Variants in PLOD1 observed in about 807,000 individuals in gnomAD.
The protein encoded by PLOD1 is procollagen-lysine,2-oxoglutarate 5-dioxygenase 1, also known as lysine hydroxylase.
A neutral mutation model predicts 94.7 loss-of-function variants in PLOD1; 70 were observed. The ratio of observed to expected loss-of-function variants is 0.74; its 90% CI spans 0.61 to 0.90. PLOD1 has a LOEUF of 0.90. Ranked by LOEUF, PLOD1 falls within the 40% of genes least tolerant of loss-of-function variation. PLOD1 has a pLI of 0.00. For synonymous variants in PLOD1, 417 were observed against 400.2 expected, an observed-to-expected ratio of 1.04 and a Z score of -0.50; for missense variants, 905 against 972.7, an observed-to-expected ratio of 0.93 and a Z score of 0.93.
intron 12 of PLOD1, 27 bp downstream of exon 12, chr1:11,964,327 T>TGTGACCGGGGGGGGGGGGGGGGGGG: frequency 3.7e-6 from 2 of 546,372 alleles, no homozygotes; most frequent in East Asian, 4.8e-5. Flanking sequence ...TGGGGGTGGG[T>TGTGACCGGGGGGGGGGGGGGGGGGG]GGGGGACACC....
intron 2 of PLOD1, 32 bp from the exon 3 acceptor site, chr1:11,949,741 A>G (rs776126385): frequency 2.2e-5 from 35 of 1,609,610 alleles, no homozygotes; most frequent in Non-Finnish European, 2.9e-5. Flanking sequence ...TTTCTTTACC[A>G]AAAGCCCGTG....
At chr1:11,935,538 T>C (rs959141892) in intron 1 of PLOD1, among the ~76,000 whole-genome samples, 1 of 152,210 alleles carries the variant, frequency 6.6e-6, no homozygotes, top group Non-Finnish European at 1.5e-5. Context: ...TTATTTATTT[T>C]TGAGACAGAG....
intron 16 of PLOD1, among the ~76,000 whole-genome samples, chr1:11,967,661 T>A (rs910614341): frequency 8.3e-5 from 11 of 132,758 alleles, no homozygotes; most frequent in East Asian, 6.8e-4. Context: ...TATATATATT[T>A]TTTTTAAATA....
intron 6 of PLOD1, among the ~76,000 whole-genome samples, chr1:11,956,107 G>A (rs923160621): frequency 1.7e-4 from 26 of 150,392 alleles, no homozygotes; most frequent in Admixed American, 1.0e-3. Context: ...TCAAACATGG[G>A]TATTGGGGGC....
intron 16 of PLOD1, among the ~76,000 whole-genome samples, chr1:11,967,615 A>ATATATATATATATATATATATATATATAT (rs58447090): frequency 9.6e-6 from 1 of 103,966 alleles, no homozygotes; most frequent in Non-Finnish European, 1.9e-5. Context: ...ATATATATAT[A>ATATATATATATATATATATATATATATAT]AAAAGAAATA....
Position 11,963,512 on chromosome 1 carries a change from C to T in PLOD1, c.1098-20C>T. The stretch of plus-strand genomic sequence containing the variant: ...AGCTCCAGGATCAGGTGCACTGACC[C>T]TGTGTCCTCCTCCTTGCAGAGACCT... On this transcript the variant is annotated intron_variant, in intron 10 of 18. Transcript: ENST00000196061. This position sits in a 1 kb window ranked among gnomAD's most constrained non-coding sequence, Gnocchi z 4.3. 4 of 1,531,610 alleles carry T rather than the reference C, an allele frequency of 2.6e-6. No individual in the cohort carries two copies. The highest frequency in any genetic ancestry group is 3.6e-6 in the Non-Finnish European group (4 of 1,119,202). 94.9% of individuals were successfully genotyped at this position (1,531,610 alleles called of 1,614,324 possible). A position where few individuals can be genotyped will look rare whatever the true frequency, so the allele number is the denominator to read the frequency against.
In PLOD1 at chr1:11,972,869, C is replaced by T. The variant is rs1465282096; in HGVS notation, c.1903-3C>T. 1.9e-6 allele frequency: 3 copies of T among 1,613,838 alleles called. No individual in the cohort carries two copies. Among genetic ancestry groups the T allele is most frequent in the African/African-American group, 2.7e-5 (2 of 74,896 alleles). ...GCTCTCTTGTCCCCCTGCCTTGGTACAGGCCCAGTTTGACCTGGCCTTTGT... is the reference window on the plus strand; with the variant it reads ...GCTCTCTTGTCCCCCTGCCTTGGTATAGGCCCAGTTTGACCTGGCCTTTGT... On this transcript the variant is annotated splice_polypyrimidine_tract_variant and splice_region_variant and intron_variant, in intron 17 of 18. Transcript: ENST00000196061. The surrounding 1 kb of genome is among the most constrained non-coding windows in gnomAD (Gnocchi z 4.6).
rs1645750201 is a variant in PLOD1, at chr1:11,957,892, A to C, written c.792A>C (p.Glu264Asp). The change falls in exon 8 of 19, where the codon GAA (glutamate) becomes GAC (aspartate). Residue 264 changes from glutamate (E) to aspartate (D), a missense_variant. Physicochemically the swap from Glu to Asp is conservative, Grantham distance 45. Coordinates refer to ENST00000196061, the MANE Select transcript of PLOD1 (RefSeq NM_000302.4). The surrounding 1 kb of genome is among the most constrained non-coding windows in gnomAD (Gnocchi z 4.1). Reference sequence around the variant, plus strand: ...ACATCCCGCGCTTCTGGACCTTCGAAACAGGCTGCACCGTGTGTGACGAAG... The same window carrying C: ...ACATCCCGCGCTTCTGGACCTTCGACACAGGCTGCACCGTGTGTGACGAAG... Reference protein sequence around the residue: ...GNYIPRFWTFETGCTVCDEGL... With the variant: ...GNYIPRFWTFDTGCTVCDEGL... The C allele has an allele frequency of 6.2e-7, 1 of 1,613,996 alleles. No individual in the cohort carries two copies. The highest frequency in any genetic ancestry group is 8.5e-7 in the Non-Finnish European group (1 of 1,179,984).
chr1:11,970,787 G>A lies in PLOD1; in HGVS notation c.1873G>A (p.Glu625Lys), dbSNP rs1426887065. The A allele has an allele frequency of 3.1e-6, 5 of 1,609,334 alleles. No individual in the cohort carries two copies. Among genetic ancestry groups the A allele is most frequent in the Non-Finnish European group, 8.5e-7 (1 of 1,179,142 alleles). ...FLLEYIAPMTEKLYPGYYTRA... is the reference protein window; with the variant it reads ...FLLEYIAPMTKKLYPGYYTRA... ...GCTGGAGTACATTGCGCCCATGACG[G>A]AGAAGCTCTACCCCGGCTACTACAC... Residue 625 changes from glutamate (E) to lysine (K), a missense_variant, in exon 17 of 19, where the codon GAG (glutamate) becomes AAG (lysine). By Grantham distance (56) the Glu-to-Lys change is moderately conservative. Coordinates refer to ENST00000196061, the MANE Select transcript of PLOD1 (RefSeq NM_000302.4).
At chr1:11,973,674 G>A (rs1237819759) in intron 18 of PLOD1, among the ~76,000 whole-genome samples, 1 of 151,524 alleles carries the variant, frequency 6.6e-6, no homozygotes, top group Non-Finnish European at 1.5e-5. Context: ...CAACCTCCTG[G>A]GCCCAAGCAA....
chr1:11,971,225 G>T (rs866578633), intron 17 of PLOD1, among the ~76,000 whole-genome samples: 3 of 126,852 alleles, frequency 2.4e-5, no homozygotes, highest in South Asian at 2.9e-4. Flanking sequence ...AGGGTGGAGT[G>T]GGGGGCTTGG....
At position 11,973,010 on chromosome 1, in the gene PLOD1, C is replaced by T. The variant is rs768117561; in HGVS notation, c.2028+13C>T. ...GGTGGATTACGAGGTGAGCAGGAGCCAGCCGGGGTCAAGGGGCCGGCAATG... is the reference window on the plus strand; with the variant it reads ...GGTGGATTACGAGGTGAGCAGGAGCTAGCCGGGGTCAAGGGGCCGGCAATG... On this transcript the variant is annotated intron_variant, in intron 18 of 18. Coordinates refer to ENST00000196061, the MANE Select transcript of PLOD1 (RefSeq NM_000302.4). 1 of 1,613,698 alleles carries T rather than the reference C, an allele frequency of 6.2e-7. No individual in the cohort carries two copies. Among genetic ancestry groups the T allele is most frequent in the Non-Finnish European group, 8.5e-7 (1 of 1,179,780 alleles).
At chr1:11,961,615 T>C (rs549916620) in intron 10 of PLOD1, among the ~76,000 whole-genome samples, 4 of 152,138 alleles carry the variant, frequency 2.6e-5, no homozygotes, top group Non-Finnish European at 5.9e-5. Context: ...TCATTTATTT[T>C]TTTTTCTTTT....
At chr1:11,970,844 T>C (rs1405566650) in intron 17 of PLOD1, 28 bp downstream of exon 17, 10 of 1,369,808 alleles carry the variant, frequency 7.3e-6, no homozygotes, top group Non-Finnish European at 9.6e-6. Flanking sequence ...ATAGCCAGGA[T>C]GCGGGGACAG....
chr1:11,944,392 A>G (rs2100738104), intron 1 of PLOD1: 1 of 434,746 alleles, frequency 2.3e-6, no homozygotes, highest in African/African-American at 2.1e-5. Context: ...AGCCTGTTCC[A>G]TCAAGAATCC....
chr1:11,952,924 GA>G (rs959677893), intron 5 of PLOD1, among the ~76,000 whole-genome samples, 189 bp downstream of exon 5: 1 of 152,202 alleles, frequency 6.6e-6, no homozygotes, highest in African/African-American at 2.4e-5. Context: ...CTGGAGGCCG[GA>G]AGGGTGAGAT....
intron 1 of PLOD1, among the ~76,000 whole-genome samples, chr1:11,946,108 T>G (rs1048988601): frequency 1.3e-5 from 2 of 152,176 alleles, no homozygotes; most frequent in Middle Eastern, 3.2e-3. Flanking sequence ...TAGGTACTAT[T>G]ATTATCCCTG....
In PLOD1 at chr1:11,942,167, G is replaced by C. The variant is rs374902695; in HGVS notation, c.77-5809G>C. ...CTAGCTAATTTTTGTATTTTTAGTAGAGACGGGGTTTCACCATGTTGGCCA... is the reference window on the plus strand; with the variant it reads ...CTAGCTAATTTTTGTATTTTTAGTACAGACGGGGTTTCACCATGTTGGCCA... On this transcript the variant is annotated intron_variant, in intron 1 of 18. Transcript: ENST00000196061. 2.4e-4 allele frequency among the ~76,000 whole-genome samples: 37 copies of C among 152,104 alleles called. No individual in the cohort carries two copies. In the East Asian group the frequency reaches 2.7e-3, roughly 11 times the overall value.
chr1:11,965,459 C>T, intron 13 of PLOD1, 21 bp from the exon 14 acceptor site: 2 of 1,475,978 alleles, frequency 1.4e-6, no homozygotes, highest in African/African-American at 1.4e-5. Flanking sequence ...GCGCCTCTTC[C>T]ACCGGGCCTG....
Sources: allele counts gnomAD v4.1 joint callset (sites outside exome capture counted in the v4.1 genomes callset), GRCh38; gene constraint gnomAD v4.1.1; non-coding constraint Gnocchi (gnomAD v3.1); transcripts MANE v1.5; gene names NCBI Gene and HGNC (gene_info 2026-07-23, HGNC 2026-07-21).